DPYD: variants seen among roughly 807,000 people sequenced by gnomAD.
DPYD encodes the protein dihydropyrimidine dehydrogenase.
In DPYD, 109 loss-of-function variants were observed where a neutral mutation model predicts 116.2. That is an observed-to-expected ratio of 0.94 (90% CI 0.80 to 1.10). DPYD has a LOEUF of 1.10. Ranked by LOEUF, DPYD falls within the 50% of genes least tolerant of loss-of-function variation. DPYD has a pLI of 0.00. For synonymous variants in DPYD, 440 were observed against 432.0 expected, an observed-to-expected ratio of 1.02 and a Z score of -0.23; for missense variants, 1,302 against 1,254.5, an observed-to-expected ratio of 1.04 and a Z score of -0.57.
At chr1:97,669,809 C>T (rs1417827785) in intron 8 of DPYD, among the ~76,000 whole-genome samples, 1 of 152,168 alleles carries the variant, frequency 6.6e-6, no homozygotes, top group Admixed American at 6.6e-5. Context: ...AAATATATAT[C>T]ATATATGGAA....
chr1:97,562,309 G>A (rs1350195405), intron 11 of DPYD, among the ~76,000 whole-genome samples: 1 of 152,152 alleles, frequency 6.6e-6, no homozygotes, highest in African/African-American at 2.4e-5. Flanking sequence ...CAAATACAGG[G>A]AGAAACACTG....
intron 5 of DPYD, among the ~76,000 whole-genome samples, chr1:97,702,796 T>C (rs561215518): frequency 6.6e-6 from 1 of 152,136 alleles, no homozygotes; most frequent in East Asian, 1.9e-4. Context: ...GTATGTATTT[T>C]CACCTAAAAT....
At chr1:97,693,239 C>A (rs577856561) in intron 6 of DPYD, among the ~76,000 whole-genome samples, 111 of 121,840 alleles carry the variant, frequency 9.1e-4, no homozygotes, top group Non-Finnish European at 1.5e-3. Flanking sequence ...TGCAGTGAGC[C>A]AAGATCATGC....
intron 2 of DPYD, among the ~76,000 whole-genome samples, chr1:97,832,865 A>G (rs1381163129): frequency 3.3e-5 from 5 of 152,176 alleles, no homozygotes; most frequent in Non-Finnish European, 7.3e-5. Flanking sequence ...AATAATATAC[A>G]AGGAGATTTC....
intron 1 of DPYD, among the ~76,000 whole-genome samples, chr1:97,892,335 T>G (rs1387335550): frequency 6.6e-6 from 1 of 151,898 alleles, no homozygotes; most frequent in South Asian, 2.1e-4. Context: ...AACAGTCTCT[T>G]GTTTAAAAGC....
chr1:97,586,487 T>TC lies in DPYD; in HGVS notation c.1128+6730_1128+6731insG, dbSNP rs1557818782. Among the ~76,000 whole-genome samples the TC allele has an allele frequency of 6.5e-5, 7 of 108,138 alleles. 1 individual carries two copies. Among genetic ancestry groups the TC allele is most frequent in the African/African-American group, 3.0e-4 (7 of 23,436 alleles). The allele number at this position is 108,138 out of a possible 152,430, so 70.9% of individuals were successfully genotyped here. ...ATACATATATATATATATATATATA[T>TC]ATATATATATATATATATATATATA... On this transcript the variant is annotated intron_variant, in intron 10 of 22. Coordinates refer to ENST00000370192, the MANE Select transcript of DPYD (RefSeq NM_000110.4).
At chr1:97,474,881 G>T (rs993681629) in intron 13 of DPYD, among the ~76,000 whole-genome samples, 2 of 150,886 alleles carry the variant, frequency 1.3e-5, no homozygotes, top group Non-Finnish European at 3.0e-5. Flanking sequence ...ATTGACTTTT[G>T]GAATTATGAA....
chr1:97,439,355 T>C (rs1287159415), intron 14 of DPYD, among the ~76,000 whole-genome samples: 2 of 152,178 alleles, frequency 1.3e-5, no homozygotes, highest in African/African-American at 4.8e-5. Flanking sequence ...CTTTTCTAAG[T>C]AGTTTAGCGA....
At chr1:97,317,892 C>T (rs57555420) in intron 16 of DPYD, among the ~76,000 whole-genome samples, 35,123 of 151,882 alleles carry the variant, frequency 0.23, 4,270 homozygotes, top group Non-Finnish European at 0.27. Flanking sequence ...TGAATGGTTC[C>T]GACTAAGGAG....
chr1:97,173,266 G>A (rs573722019), intron 20 of DPYD, among the ~76,000 whole-genome samples: 6 of 146,416 alleles, frequency 4.1e-5, no homozygotes, highest in African/African-American at 1.1e-4. Context: ...GCACACATAT[G>A]TACATATATA....
chr1:97,113,166 C>T lies in DPYD; in HGVS notation c.2623-14534G>A, dbSNP rs116417819. ...CATATACACACATATACATACAATG[C>T]ATATCCATAATACATATATGGTATC... On this transcript the variant is annotated intron_variant, in intron 20 of 22. Coordinates refer to ENST00000370192, the MANE Select transcript of DPYD (RefSeq NM_000110.4). 6.6e-3 allele frequency among the ~76,000 whole-genome samples: 1,004 copies of T among 152,208 alleles called. 9 individuals are homozygous for T. The highest frequency in any genetic ancestry group is 9.6e-3 in the Non-Finnish European group (653 of 68,002).
At chr1:97,205,475 G>C (rs1253190185) in intron 19 of DPYD, among the ~76,000 whole-genome samples, 1 of 151,910 alleles carries the variant, frequency 6.6e-6, no homozygotes, top group Non-Finnish European at 1.5e-5. Flanking sequence ...GGTTGCTCCA[G>C]GTTGTTCTGT....
At chr1:97,302,819 T>G (rs1240880956) in intron 18 of DPYD, among the ~76,000 whole-genome samples, 1 of 152,056 alleles carries the variant, frequency 6.6e-6, no homozygotes, top group Non-Finnish European at 1.5e-5. Context: ...TTCTATTTCA[T>G]TATTTAAAAT....
At chr1:97,457,821 C>A (rs1474699676) in intron 13 of DPYD, among the ~76,000 whole-genome samples, 4 of 152,108 alleles carry the variant, frequency 2.6e-5, no homozygotes, top group African/African-American at 9.7e-5. Flanking sequence ...CTTTGAGAAT[C>A]CATTGTGTTC....
intron 8 of DPYD, among the ~76,000 whole-genome samples, chr1:97,624,988 G>A (rs1656845282): frequency 6.6e-6 from 1 of 151,954 alleles, no homozygotes; most frequent in African/African-American, 2.4e-5. Context: ...TGGTCAAAGG[G>A]TAAAATCTCA....
Position 97,680,863 on chromosome 1 carries a change from C to A in DPYD, c.763-1681G>T, listed in dbSNP as rs1660393894. On this transcript the variant is annotated intron_variant, in intron 7 of 22. Coordinates refer to ENST00000370192, the MANE Select transcript of DPYD (RefSeq NM_000110.4). ...AGTTATCAAGTATGTGCCAGTAAGT[C>A]CCCTTGAAAGTAAAAGACAAATAGA... Among the ~76,000 whole-genome samples the A allele has an allele frequency of 4.6e-5, 7 of 152,104 alleles. 1 individual carries two copies. In the South Asian group the frequency reaches 1.5e-3, roughly 32 times the overall value.
At position 97,638,110 on chromosome 1, in the gene DPYD, T is replaced by C. The variant is rs181086822; in HGVS notation, c.850+40985A>G. Reference sequence around the variant, plus strand: ...AAGTCTAGAACTTGTGTTTCCAATTTGTTGAGACCAAGGAAGAGAACAAGT... The same window carrying C: ...AAGTCTAGAACTTGTGTTTCCAATTCGTTGAGACCAAGGAAGAGAACAAGT... On this transcript the variant is annotated intron_variant, in intron 8 of 22. Transcript: ENST00000370192. 2.6e-5 allele frequency among the ~76,000 whole-genome samples: 4 copies of C among 152,264 alleles called. No homozygotes were observed. The East Asian group carries it at 7.7e-4, about 29-fold the overall frequency.
At chr1:97,209,918 A>G (rs1396196971) in intron 19 of DPYD, among the ~76,000 whole-genome samples, 4 of 152,174 alleles carry the variant, frequency 2.6e-5, no homozygotes, top group African/African-American at 9.7e-5. Flanking sequence ...TTGCATGCCT[A>G]CATCTTTAAT....
chr1:97,173,300 G>T (rs201854482), intron 20 of DPYD, among the ~76,000 whole-genome samples: 1 of 89,400 alleles, frequency 1.1e-5, no homozygotes, highest in African/African-American at 4.7e-5. Context: ...GTACACATAT[G>T]TACATATATA....
Sources: allele counts gnomAD v4.1 joint callset (sites outside exome capture counted in the v4.1 genomes callset), GRCh38; gene constraint gnomAD v4.1.1; transcripts MANE v1.5; gene names NCBI Gene and HGNC (gene_info 2026-07-23, HGNC 2026-07-21).